Variants in ADAMTSL2 observed in about 807,000 individuals in gnomAD.
The protein encoded by ADAMTSL2 is ADAMTS-like protein 2.
A neutral mutation model predicts 117.0 loss-of-function variants in ADAMTSL2; 55 were observed. The ratio of observed to expected loss-of-function variants is 0.47; its 90% CI spans 0.38 to 0.59. ADAMTSL2 has a LOEUF of 0.59. ADAMTSL2 is among the 20% of genes least tolerant of loss of function. The pLI, the probability that ADAMTSL2 is intolerant of heterozygous loss-of-function variation, is 0.00. For missense variants in ADAMTSL2, 1,182 were observed against 1,354.5 expected (o/e 0.87, Z 2.00); for synonymous variants, 572 against 566.4 (o/e 1.01, Z -0.14).
chr9:133,534,958 C>T, intron 1 of ADAMTSL2, 41 bp downstream of exon 1: 1 of 1,365,416 alleles, frequency 7.3e-7, no homozygotes. Flanking sequence ...TTGCAGCGTC[C>T]ACCAGGCCAG....
intron 8 of ADAMTSL2, among the ~76,000 whole-genome samples, chr9:133,545,720 G>C (rs190689707): frequency 6.6e-6 from 1 of 152,164 alleles, no homozygotes; most frequent in Non-Finnish European, 1.5e-5. Flanking sequence ...AAACAGACGC[G>C]TAGAAATACC....
intron 12 of ADAMTSL2, among the ~76,000 whole-genome samples, chr9:133,563,328 T>C (rs944144350): frequency 6.6e-6 from 1 of 152,266 alleles, no homozygotes; most frequent in African/African-American, 2.4e-5. Context: ...CTGAGCATGG[T>C]GGTGGGGTGT....
At chr9:133,564,213 GGAGA>G (rs1830857851) in intron 12 of ADAMTSL2, among the ~76,000 whole-genome samples, 1 of 12,250 alleles carries the variant, frequency 8.2e-5, no homozygotes, top group South Asian at 3.9e-3. Flanking sequence ...AGAGAGAGAG[GGAGA>G]GGGAGAGAGA....
chr9:133,547,261 T>C (rs764203827), intron 9 of ADAMTSL2, 48 bp downstream of exon 9: 13 of 1,563,624 alleles, frequency 8.3e-6, no homozygotes, highest in Admixed American at 1.8e-5. Flanking sequence ...TGGGCACTGT[T>C]TCCCCAGAAT....
intron 8 of ADAMTSL2, among the ~76,000 whole-genome samples, chr9:133,546,805 C>T (rs1012103648): frequency 2.0e-5 from 3 of 152,204 alleles, no homozygotes; most frequent in African/African-American, 4.8e-5. Flanking sequence ...CCCAGCCAGC[C>T]GTGTTCAATG....
intron 5 of ADAMTSL2, 87 bp from the exon 6 acceptor site, chr9:133,540,511 C>G: frequency 6.5e-7 from 1 of 1,534,610 alleles, no homozygotes; most frequent in South Asian, 1.2e-5. Flanking sequence ...GCAATGGGAG[C>G]TGTCTCAGAG....
chr9:133,551,641 T>C (rs1830485903), intron 9 of ADAMTSL2, among the ~76,000 whole-genome samples: 1 of 151,722 alleles, frequency 6.6e-6, no homozygotes, highest in South Asian at 2.1e-4. Context: ...TGCTATGTTA[T>C]GCTTTCCCTA....
chr9:133,561,677 C>T (rs1012292008), intron 12 of ADAMTSL2, among the ~76,000 whole-genome samples: 9 of 152,182 alleles, frequency 5.9e-5, no homozygotes, highest in Admixed American at 2.0e-4. Context: ...GGAAGGGAGT[C>T]ATAGGCCCCT....
intron 9 of ADAMTSL2, among the ~76,000 whole-genome samples, chr9:133,553,822 G>T (rs977797063): frequency 6.6e-6 from 1 of 152,208 alleles, no homozygotes; most frequent in Non-Finnish European, 1.5e-5. Flanking sequence ...CTTGACAGGG[G>T]CCTCAGCCCA....
At chr9:133,570,928 G>C (rs1229183864) in intron 17 of ADAMTSL2, among the ~76,000 whole-genome samples, 1 of 152,190 alleles carries the variant, frequency 6.6e-6, no homozygotes, top group African/African-American at 2.4e-5. Flanking sequence ...TTGGAATTTA[G>C]GGAGACAGTA....
intron 9 of ADAMTSL2, among the ~76,000 whole-genome samples, chr9:133,549,467 C>T (rs1348051848): frequency 1.3e-5 from 2 of 151,962 alleles, no homozygotes; most frequent in Non-Finnish European, 1.5e-5. Context: ...AGGGGGATAC[C>T]AAGAGATGCC....
intron 13 of ADAMTSL2, among the ~76,000 whole-genome samples, chr9:133,567,296 C>A (rs1271822122): frequency 6.6e-6 from 1 of 152,238 alleles, no homozygotes; most frequent in East Asian, 1.9e-4. Context: ...TCAATTAATG[C>A]TTGCCACCGC....
chr9:133,570,775 G>A (rs1314693375), intron 17 of ADAMTSL2, among the ~76,000 whole-genome samples: 6 of 152,194 alleles, frequency 3.9e-5, no homozygotes, highest in Non-Finnish European at 8.8e-5. Flanking sequence ...CTCCGGCCTC[G>A]AATTGTGGCC....
chr9:133,569,954 G>C (rs1352614194), intron 16 of ADAMTSL2, among the ~76,000 whole-genome samples: 2 of 152,204 alleles, frequency 1.3e-5, no homozygotes, highest in Non-Finnish European at 1.5e-5. Flanking sequence ...ACCTGTCATC[G>C]TCACCAACTT....
chr9:133,541,051 G>C, intron 7 of ADAMTSL2, 50 bp downstream of exon 7: 1 of 1,586,264 alleles, frequency 6.3e-7, no homozygotes, highest in Non-Finnish European at 8.6e-7. Flanking sequence ...TCTGGGAATC[G>C]GGGGTCCTGA....
chr9:133,567,276 C>T lies in ADAMTSL2; in HGVS notation c.1874+214C>T, dbSNP rs373459690. 4.5e-3 allele frequency among the ~76,000 whole-genome samples: 684 copies of T among 152,344 alleles called. 8 individuals are homozygous for T. The highest frequency in any genetic ancestry group is 0.015 in the African/African-American group (640 of 41,562). On this transcript the variant is annotated intron_variant, in intron 13 of 18. Transcript: ENST00000651351. The stretch of plus-strand genomic sequence containing the variant: ...TTAATCTGTCACTGTGCCTCGTAGA[C>T]AGTAGGTGCTCAATTAATGCTTGCC...
At chr9:133,555,521 G>T in intron 10 of ADAMTSL2, 37 bp from the exon 11 acceptor site, 1 of 1,612,730 alleles carries the variant, frequency 6.2e-7, no homozygotes. Flanking sequence ...CCAGGGCTCG[G>T]ATGTGCCCAC....
At chr9:133,573,756 G>C in intron 17 of ADAMTSL2, 87 bp from the exon 18 acceptor site, 1 of 1,552,374 alleles carries the variant, frequency 6.4e-7, no homozygotes, top group Admixed American at 1.7e-5. Context: ...GGGTGGGGAA[G>C]GGGGAGTGTG....
At position 133,568,373 on chromosome 9, in the gene ADAMTSL2, A is replaced by G; in HGVS notation, c.1975A>G (p.Ser659Gly). ...CWKMLSPGFD[S>G]SVYSDLCEAA... Reference sequence around the variant, plus strand: ...GAAGATGCTCTCGCCCGGCTTCGACAGCTCCGTGTACAGCGACCTGTGCGA... The same window carrying G: ...GAAGATGCTCTCGCCCGGCTTCGACGGCTCCGTGTACAGCGACCTGTGCGA... The change falls in exon 14 of 19, where the codon AGC (serine) becomes GGC (glycine). Residue 659 changes from serine (S) to glycine (G), a missense_variant. Transcript: ENST00000651351. 1 of 1,604,176 alleles carries G rather than the reference A, an allele frequency of 6.2e-7. No homozygotes were observed. Among genetic ancestry groups the G allele is most frequent in the Non-Finnish European group, 8.5e-7 (1 of 1,176,204 alleles).
Sources: allele counts gnomAD v4.1 joint callset (sites outside exome capture counted in the v4.1 genomes callset), GRCh38; gene constraint gnomAD v4.1.1; transcripts MANE v1.5; gene names NCBI Gene and HGNC (gene_info 2026-07-23, HGNC 2026-07-21).